The following DPP10 variants were observed in gnomAD, a reference collection of about 807,000 sequenced individuals.
DPP10 encodes dipeptidyl peptidase like 10.
DPP10 carries 33 observed loss-of-function variants against 120.9 expected under a neutral mutation model. That is an observed-to-expected ratio of 0.27 (90% CI 0.21 to 0.37). The LOEUF is 0.37. DPP10 is among the 10% of genes least tolerant of loss of function. The pLI is 1.00. For synonymous variants in DPP10, 337 were observed against 326.1 expected (o/e 1.03, Z -0.36); for missense variants, 816 against 942.8 (o/e 0.87, Z 1.76).
At chr2:115,090,112 C>T (rs1709118529) in intron 1 of DPP10, among the ~76,000 whole-genome samples, 1 of 150,280 alleles carries the variant, frequency 6.7e-6, no homozygotes, top group Non-Finnish European at 1.5e-5. Flanking sequence ...TTATTTTTCT[C>T]TTCTTGAGTG....
chr2:115,518,329 A>G (rs2077613289), intron 4 of DPP10, among the ~76,000 whole-genome samples: 1 of 152,156 alleles, frequency 6.6e-6, no homozygotes, highest in Non-Finnish European at 1.5e-5. Flanking sequence ...TTTATTTGTT[A>G]ACCTATGTTT....
chr2:114,521,136 G>A (rs899634219), intron 1 of DPP10, among the ~76,000 whole-genome samples: 3 of 151,986 alleles, frequency 2.0e-5, no homozygotes, highest in Non-Finnish European at 4.4e-5. Flanking sequence ...AAAAAATATA[G>A]CCTTCATACT....
chr2:115,178,072 AC>A (rs1470505596), intron 1 of DPP10, among the ~76,000 whole-genome samples: 1 of 152,106 alleles, frequency 6.6e-6, no homozygotes, highest in African/African-American at 2.4e-5. Flanking sequence ...ATCAAAATAG[AC>A]CCTCTAAAAG....
intron 1 of DPP10, among the ~76,000 whole-genome samples, chr2:114,831,854 A>AG (rs1457741168): frequency 1.9e-5 from 2 of 104,360 alleles, no homozygotes; most frequent in African/African-American, 2.7e-5. Context: ...TTTAATTAAA[A>AG]AAAATATATA....
Position 114,844,709 on chromosome 2 carries a change from CT to C in DPP10, c.60+401879del, listed in dbSNP as rs968390328. On this transcript the variant is annotated intron_variant, in intron 1 of 25. Coordinates refer to ENST00000410059, the MANE Select transcript of DPP10 (RefSeq NM_020868.6). ...CTATGATCTCTCTTTAGCAATATTC[CT>C]TTTTTTTCTCCTAGCTTCATAGATA... Among the ~76,000 whole-genome samples, 10 of 151,382 alleles carry C rather than the reference CT, an allele frequency of 6.6e-5. No homozygotes were observed. In the East Asian group the frequency reaches 1.8e-3, roughly 27 times the overall value.
chr2:114,958,368 T>C (rs1228689697), intron 1 of DPP10, among the ~76,000 whole-genome samples: 2 of 152,130 alleles, frequency 1.3e-5, no homozygotes, highest in African/African-American at 4.8e-5. Flanking sequence ...AGGACTCAAA[T>C]ATAGACGTAC....
intron 1 of DPP10, among the ~76,000 whole-genome samples, chr2:114,793,692 A>G (rs72832403): frequency 0.069 from 10,509 of 152,242 alleles, 401 homozygotes; most frequent in South Asian, 0.1. Context: ...TACTTTGGCC[A>G]TCGGCAAATT....
rs368311068 is a variant in DPP10, at chr2:115,324,857, AT to A, written c.175+15505del. Among the ~76,000 whole-genome samples, 145 of 152,252 alleles carry A rather than the reference AT, an allele frequency of 9.5e-4. 2 individuals carry two copies. The highest frequency in any genetic ancestry group is 3.2e-3 in the African/African-American group (134 of 41,556). ...ACATTTGACTCTTCCTTTCGCTGGAATACTTAGAGGCTACTGTTGCCCTAAT... is the reference window on the plus strand; with the variant it reads ...ACATTTGACTCTTCCTTTCGCTGGAAACTTAGAGGCTACTGTTGCCCTAAT... On this transcript the variant is annotated intron_variant, in intron 2 of 25. Coordinates refer to ENST00000410059, the MANE Select transcript of DPP10 (RefSeq NM_020868.6).
At chr2:115,354,994 A>G (rs746618728) in intron 3 of DPP10, among the ~76,000 whole-genome samples, 8 of 152,186 alleles carry the variant, frequency 5.3e-5, no homozygotes, top group Non-Finnish European at 1.2e-4. Context: ...TGTTGTAAAT[A>G]GTGCTGCAAT....
At chr2:115,741,873 A>G (rs1677318911) in intron 9 of DPP10, among the ~76,000 whole-genome samples, 2 of 152,182 alleles carry the variant, frequency 1.3e-5, no homozygotes, top group Non-Finnish European at 2.9e-5. Flanking sequence ...TGAGACAAAC[A>G]AACAAACCAA....
At chr2:114,633,648 G>A (rs1695109691) in intron 1 of DPP10, among the ~76,000 whole-genome samples, 1 of 151,236 alleles carries the variant, frequency 6.6e-6, no homozygotes, top group African/African-American at 2.4e-5. Flanking sequence ...GGAGTCTCAT[G>A]TGTCACCCAG....
intron 1 of DPP10, among the ~76,000 whole-genome samples, chr2:115,074,226 C>T (rs1041200587): frequency 1.3e-5 from 2 of 152,058 alleles, no homozygotes; most frequent in African/African-American, 4.8e-5. Context: ...CCAGGCTGGT[C>T]TCAAACTCCT....
At chr2:114,816,106 A>G (rs1685622340) in intron 1 of DPP10, among the ~76,000 whole-genome samples, 1 of 152,134 alleles carries the variant, frequency 6.6e-6, no homozygotes, top group Non-Finnish European at 1.5e-5. Context: ...TACAGTCTTG[A>G]CCATGCACAC....
chr2:115,521,704 G>T (rs1184882671), intron 4 of DPP10, among the ~76,000 whole-genome samples: 1 of 150,800 alleles, frequency 6.6e-6, no homozygotes, highest in African/African-American at 2.4e-5. Context: ...TGCTTTCTTG[G>T]ATTGTCATGA....
intron 1 of DPP10, among the ~76,000 whole-genome samples, chr2:114,473,695 T>C (rs1055831027): frequency 6.6e-5 from 10 of 152,186 alleles, no homozygotes; most frequent in Non-Finnish European, 1.5e-4. Context: ...GGTAAACACG[T>C]GCAATAGATA....
At position 115,738,147 on chromosome 2, in the gene DPP10, C is replaced by A. The variant is rs558847750; in HGVS notation, c.698-1592C>A. Among the ~76,000 whole-genome samples the A allele has an allele frequency of 2.0e-4, 31 of 152,234 alleles. No individual in the cohort carries two copies. The South Asian group carries it at 6.0e-3, about 30-fold the overall frequency. On this transcript the variant is annotated intron_variant, in intron 8 of 25. Transcript: ENST00000410059. ...GGTCCCAATCCATCGTTATGAATATCTTTGTCTTACCCTAAAAGAGCAAAT... is the reference window on the plus strand; with the variant it reads ...GGTCCCAATCCATCGTTATGAATATATTTGTCTTACCCTAAAAGAGCAAAT...
At chr2:114,792,166 A>G (rs933907906) in intron 1 of DPP10, among the ~76,000 whole-genome samples, 35 of 152,190 alleles carry the variant, frequency 2.3e-4, no homozygotes, top group Admixed American at 8.5e-4. Flanking sequence ...TATTATTAAT[A>G]TTATGAATAA....
intron 1 of DPP10, among the ~76,000 whole-genome samples, chr2:114,576,704 C>T (rs1690076889): frequency 1.3e-5 from 2 of 152,162 alleles, no homozygotes; most frequent in African/African-American, 4.8e-5. Flanking sequence ...CTAATTAGCA[C>T]ACCACTCCTT....
chr2:114,804,072 C>T (rs1684508899), intron 1 of DPP10, among the ~76,000 whole-genome samples: 1 of 152,190 alleles, frequency 6.6e-6, no homozygotes, highest in African/African-American at 2.4e-5. Flanking sequence ...CCACCTGCTC[C>T]AGCCATTGCT....
Sources: allele counts gnomAD v4.1 joint callset (sites outside exome capture counted in the v4.1 genomes callset), GRCh38; gene constraint gnomAD v4.1.1; transcripts MANE v1.5; gene names NCBI Gene and HGNC (gene_info 2026-07-23, HGNC 2026-07-21).